The following ROBO1 variants were observed in gnomAD, a reference collection of about 807,000 sequenced individuals.
The protein encoded by ROBO1 is roundabout guidance receptor 1.
A neutral mutation model predicts 195.9 loss-of-function variants in ROBO1; 149 were observed. The observed-to-expected ratio is 0.76, with a 90% CI of 0.67 to 0.87. The LOEUF (loss-of-function observed/expected upper bound fraction) is 0.87, where lower values mean the gene tolerates loss of function less well. ROBO1 is among the 40% of genes least tolerant of loss of function. The pLI, the probability that ROBO1 is intolerant of heterozygous loss-of-function variation, is 0.00. For synonymous variants in ROBO1, 816 were observed against 733.2 expected, an observed-to-expected ratio of 1.11 and a Z score of -1.82; for missense variants, 1,933 against 2,068.3, an observed-to-expected ratio of 0.93 and a Z score of 1.27.
At chr3:79,429,191 A>G (rs2038572593) in intron 2 of ROBO1, among the ~76,000 whole-genome samples, 1 of 152,164 alleles carries the variant, frequency 6.6e-6, no homozygotes, top group South Asian at 2.1e-4. Context: ...ATGTGAAAAT[A>G]CGAACAAGTT....
intron 2 of ROBO1, among the ~76,000 whole-genome samples, chr3:79,577,822 G>A (rs1172203683): frequency 6.6e-6 from 1 of 151,890 alleles, no homozygotes; most frequent in African/African-American, 2.4e-5. Context: ...TGATGCAGGA[G>A]AATCGCTTGA....
chr3:79,652,094 ATTGTT>A (rs1001055828), intron 1 of ROBO1, among the ~76,000 whole-genome samples: 52 of 152,200 alleles, frequency 3.4e-4, no homozygotes, highest in African/African-American at 1.3e-3. Flanking sequence ...ATAATTTATT[ATTGTT>A]TTATTTTATA....
chr3:79,691,256 G>T (rs1947289280), intron 1 of ROBO1, among the ~76,000 whole-genome samples: 2 of 151,810 alleles, frequency 1.3e-5, no homozygotes, highest in Non-Finnish European at 1.5e-5. Context: ...AGAGGAATTG[G>T]TACCATCCTC....
At chr3:79,156,618 A>AT (rs1398202034) in intron 2 of ROBO1, among the ~76,000 whole-genome samples, 1 of 151,858 alleles carries the variant, frequency 6.6e-6, no homozygotes, top group African/African-American at 2.4e-5. Flanking sequence ...AAATATTCTA[A>AT]TTGCCTTTTG....
At chr3:79,006,776 A>C (rs976767316) in intron 3 of ROBO1, among the ~76,000 whole-genome samples, 3 of 114,794 alleles carry the variant, frequency 2.6e-5, no homozygotes, top group South Asian at 3.1e-4. Flanking sequence ...AAAAAAAAAA[A>C]CAGACTCTCA....
chr3:79,417,709 A>C, intron 2 of ROBO1, among the ~76,000 whole-genome samples: 1 of 152,160 alleles, frequency 6.6e-6, no homozygotes, highest in Non-Finnish European at 1.5e-5. Context: ...AATCTCTTTT[A>C]CATCAGTGAG....
At chr3:78,717,703 A>C in intron 6 of ROBO1, 60 bp downstream of exon 6, 1 of 1,569,904 alleles carries the variant, frequency 6.4e-7, no homozygotes, top group African/African-American at 1.4e-5. Context: ...CCTTGTATAC[A>C]GACACAAAAT....
intron 2 of ROBO1, among the ~76,000 whole-genome samples, chr3:79,481,962 A>G (rs1461687875): frequency 1.3e-5 from 2 of 152,194 alleles, no homozygotes; most frequent in Non-Finnish European, 2.9e-5. Flanking sequence ...TAGAAAATGT[A>G]TATCCTATGC....
chr3:78,995,258 C>T (rs1053331078), intron 3 of ROBO1, among the ~76,000 whole-genome samples: 4 of 152,090 alleles, frequency 2.6e-5, no homozygotes, highest in African/African-American at 9.7e-5. Flanking sequence ...AAAGTATGTC[C>T]CAAATCCTGC....
At chr3:78,768,658 T>TTA in intron 4 of ROBO1, among the ~76,000 whole-genome samples, 1 of 151,892 alleles carries the variant, frequency 6.6e-6, no homozygotes, top group East Asian at 1.9e-4. Flanking sequence ...CTTTTTTTTT[T>TTA]TTATTATTAT....
At chr3:79,122,604 T>C (rs1004808681) in intron 3 of ROBO1, among the ~76,000 whole-genome samples, 3 of 152,024 alleles carry the variant, frequency 2.0e-5, no homozygotes, top group South Asian at 2.1e-4. Flanking sequence ...TTTTAAGATA[T>C]GTGTATGATA....
At chr3:78,842,135 ATTTG>A (rs1374953839) in intron 4 of ROBO1, among the ~76,000 whole-genome samples, 2 of 106,496 alleles carry the variant, frequency 1.9e-5, no homozygotes, top group African/African-American at 3.4e-5. Flanking sequence ...TGAATCGCCA[ATTTG>A]TTTTTTTTTT....
intron 27 of ROBO1, 127 bp from the exon 28 acceptor site, chr3:78,614,927 CT>C (rs1704026831): frequency 8.5e-6 from 8 of 938,016 alleles, no homozygotes; most frequent in East Asian, 2.7e-5. Flanking sequence ...ACAAAAAAAG[CT>C]TAAACAAACT....
chr3:79,249,833 C>A (rs2082688000), intron 2 of ROBO1, among the ~76,000 whole-genome samples: 1 of 152,088 alleles, frequency 6.6e-6, no homozygotes, highest in Admixed American at 6.6e-5. Context: ...CAGGAACATA[C>A]AGACTTTGGA....
intron 4 of ROBO1, among the ~76,000 whole-genome samples, chr3:78,760,062 G>A (rs1321245055): frequency 6.6e-6 from 1 of 152,122 alleles, no homozygotes; most frequent in Non-Finnish European, 1.5e-5. Context: ...CTGTTCTCAT[G>A]GTAGTGAAAG....
At chr3:79,491,609 G>T (rs1288595328) in intron 2 of ROBO1, among the ~76,000 whole-genome samples, 1 of 152,084 alleles carries the variant, frequency 6.6e-6, no homozygotes, top group African/African-American at 2.4e-5. Flanking sequence ...TGATTAAACT[G>T]CTTATTCTTT....
At chr3:78,979,173 T>C (rs889649152) in intron 3 of ROBO1, among the ~76,000 whole-genome samples, 1 of 152,208 alleles carries the variant, frequency 6.6e-6, no homozygotes, top group Non-Finnish European at 1.5e-5. Context: ...AGTGCTTTCC[T>C]AATCCCATTC....
chr3:78,730,815 T>A (rs2082269683), intron 5 of ROBO1, among the ~76,000 whole-genome samples: 1 of 152,180 alleles, frequency 6.6e-6, no homozygotes, highest in Non-Finnish European at 1.5e-5. Flanking sequence ...AATACACATG[T>A]TAACATGAAT....
At chr3:79,390,084 T>C (rs542637542) in intron 2 of ROBO1, among the ~76,000 whole-genome samples, 46 of 152,030 alleles carry the variant, frequency 3.0e-4, no homozygotes, top group African/African-American at 1.1e-3. Flanking sequence ...TGGGAGAGAA[T>C]AAGAAATATC....
Sources: gnomAD v4.1 joint callset for allele counts (sites outside exome capture counted in the v4.1 genomes callset) on GRCh38, gnomAD v4.1.1 for gene constraint, MANE v1.5 for transcripts, NCBI Gene and HGNC (gene_info 2026-07-23, HGNC 2026-07-21) for gene names.